Variants in GUCD1 observed in about 807,000 individuals in gnomAD.
The protein encoded by GUCD1 is protein GUCD1.
A neutral mutation model predicts 28.3 loss-of-function variants in GUCD1; 17 were observed. The ratio of observed to expected loss-of-function variants is 0.60; its 90% CI spans 0.41 to 0.90. The LOEUF (loss-of-function observed/expected upper bound fraction) is 0.90. Ranked by LOEUF, GUCD1 falls within the 40% of genes least tolerant of loss-of-function variation. The pLI is 0.00. For missense variants in GUCD1, 279 were observed against 305.5 expected (o/e 0.91, Z 0.65); for synonymous variants, 129 against 123.3 (o/e 1.05, Z -0.30).
upstream of GUCD1, chr22:24,555,511 C>T (rs771605981): frequency 2.6e-4 from 355 of 1,354,278 alleles, no homozygotes; most frequent in Non-Finnish European, 3.4e-4. Flanking sequence ...CCAAGCAACT[C>T]TCCTCCAACT....
upstream of GUCD1, chr22:24,555,168 C>G: frequency 3.9e-6 from 5 of 1,296,902 alleles, no homozygotes; most frequent in Non-Finnish European, 4.9e-6. Flanking sequence ...CCCAGCCCTT[C>G]CAGGTCTCGA....
chr22:24,542,736 C>T lies in GUCD1; in HGVS notation c.*270G>A, dbSNP rs916900680. 9 of 433,410 alleles carry T rather than the reference C, an allele frequency of 2.1e-5. No individual in the cohort carries two copies. The highest frequency in any genetic ancestry group is 4.0e-5 in the African/African-American group (2 of 49,726). The allele number at this position is 433,410 out of a possible 1,614,324, so 26.8% of individuals were successfully genotyped here. ...AAGGGCACTGTCGGGACTGGACTTC[C>T]TGTGGGCGCAGCTGGAGTCAAGGCT... On this transcript the variant is annotated 3_prime_UTR_variant, in exon 6 of 6. Transcript: ENST00000435822.
rs1472990746 is a variant in GUCD1 at position 24,541,381 on chromosome 22, A to G, written c.*1625T>C. The G allele has an allele frequency of 6.6e-6, 1 of 152,286 alleles. No homozygotes were observed. The highest frequency in any genetic ancestry group is 1.5e-5 in the Non-Finnish European group (1 of 68,136). 9.4% of individuals were successfully genotyped at this position (152,286 alleles called of 1,614,324 possible). A position where few individuals can be genotyped will look rare whatever the true frequency, so the allele number is the denominator to read the frequency against. Reference sequence around the variant, plus strand: ...CCCCTTTGAAAATGACCCATTTCCCACTTTGGGAGGCCGAGGCAGGTGGAT... The same window carrying G: ...CCCCTTTGAAAATGACCCATTTCCCGCTTTGGGAGGCCGAGGCAGGTGGAT... On this transcript the variant is annotated 3_prime_UTR_variant, in exon 6 of 6. Transcript: ENST00000435822.
At chr22:24,555,532 A>G (rs2045036594), upstream of GUCD1, 1 of 1,455,002 alleles carries the variant, frequency 6.9e-7, no homozygotes, top group Admixed American at 2.0e-5. Context: ...GTCTTTAGGG[A>G]TAACCCTGAG....
In GUCD1 at chr22:24,552,961, A is replaced by C. The variant is rs530904210; in HGVS notation, c.43+1988T>G. On this transcript the variant is annotated intron_variant, in intron 1 of 5. Coordinates refer to ENST00000435822, the MANE Select transcript of GUCD1 (RefSeq NM_001284254.2). The stretch of plus-strand genomic sequence containing the variant: ...ACTATGGGCACACGCTACCACACCC[A>C]GATAATTAAAAATAAAATAAGCCCT... Among the ~76,000 whole-genome samples the C allele has an allele frequency of 3.2e-4, 48 of 152,208 alleles. 3 individuals are homozygous for C. In the South Asian group the frequency reaches 9.5e-3, roughly 30 times the overall value.
In GUCD1 at chr22:24,547,918, T is replaced by C. The variant is rs758747345; in HGVS notation, c.284A>G (p.Tyr95Cys). 1 of 1,614,180 alleles carries C rather than the reference T, an allele frequency of 6.2e-7. No homozygotes were observed. Among genetic ancestry groups the C allele is most frequent in the Admixed American group, 1.7e-5 (1 of 60,034 alleles). The change falls in exon 3 of 6, where the codon TAC (tyrosine) becomes TGC (cysteine). Residue 95 changes from tyrosine to cysteine, a missense_variant. By Grantham distance (194) the Tyr-to-Cys change is radical. Coordinates refer to ENST00000435822, the MANE Select transcript of GUCD1 (RefSeq NM_001284254.2). The part of the protein sequence containing the change: ...CTQTLGVDKG[Y>C]KNQSFYRKHF... The stretch of plus-strand genomic sequence containing the variant: ...TGGCTGGTCGCTCACCTGGTTCTTG[T>C]AGCCCTTGTCGACACCCAGGGTCTG...
Position 24,542,558 on chromosome 22 carries a change from G to C in GUCD1, c.*448C>G, listed in dbSNP as rs1351138895. On this transcript the variant is annotated 3_prime_UTR_variant, in exon 6 of 6. Coordinates refer to ENST00000435822, the MANE Select transcript of GUCD1 (RefSeq NM_001284254.2). Reference sequence around the variant, plus strand: ...TTCCAGGAGAGAGGGGCCTGGAGGGGTCCTCAGCCCTGGGGGATTGGGGTC... The same window carrying C: ...TTCCAGGAGAGAGGGGCCTGGAGGGCTCCTCAGCCCTGGGGGATTGGGGTC... 6.1e-6 allele frequency: 1 copy of C among 163,820 alleles called. No homozygotes were observed. The highest frequency in any genetic ancestry group is 1.3e-5 in the Non-Finnish European group (1 of 75,096). The allele number at this position is 163,820 out of a possible 1,614,324, so 10.1% of individuals were successfully genotyped here. A position where few individuals can be genotyped will look rare whatever the true frequency, so the allele number is the denominator to read the frequency against.
intron 5 of GUCD1, among the ~76,000 whole-genome samples, chr22:24,543,610 G>C (rs905347699): frequency 1.3e-5 from 2 of 152,286 alleles, no homozygotes; most frequent in East Asian, 3.9e-4. Context: ...TGGTGTGAGA[G>C]GGAGGGGTGG....
At chr22:24,555,401 T>C (rs1248669881), upstream of GUCD1, 1 of 1,199,322 alleles carries the variant, frequency 8.3e-7, no homozygotes, top group East Asian at 2.7e-5. Context: ...ATTTCCTGAA[T>C]AGAGGCTCGT....
intron 1 of GUCD1, among the ~76,000 whole-genome samples, chr22:24,551,696 G>GA (rs61538139): frequency 0.23 from 35,105 of 152,114 alleles, 4,911 homozygotes; most frequent in African/African-American, 0.39. Context: ...TTTGAGAAAC[G>GA]AGGGAACTCT....
At chr22:24,543,241 G>A in intron 5 of GUCD1, 144 bp from the exon 6 acceptor site, 1 of 647,074 alleles carries the variant, frequency 1.5e-6, no homozygotes, top group Non-Finnish European at 2.8e-6. Flanking sequence ...CCACCCCCAG[G>A]AAGCCCTCCT....
At position 24,549,001 on chromosome 22, in the gene GUCD1, C is replaced by A; in HGVS notation, c.44G>T (p.Gly15Val). ...GGGCACAGGCAGTTGCACAAAGTCCCCTGTGCAGAAACAGAGGGAGGTCAC... is the reference window on the plus strand; with the variant it reads ...GGGCACAGGCAGTTGCACAAAGTCCACTGTGCAGAAACAGAGGGAGGTCAC... ...AEAAGPPLEP[G>V]DFVQLPVPVI... The change falls in exon 2 of 6, where the codon GGG becomes GTG. Residue 15 changes from glycine (G) to valine (V), a missense_variant and splice_region_variant. Physicochemically the swap from Gly to Val is moderately radical, Grantham distance 109 (BLOSUM62 -3). Coordinates refer to ENST00000435822, the MANE Select transcript of GUCD1 (RefSeq NM_001284254.2). 3 of 1,569,400 alleles carry A rather than the reference C, an allele frequency of 1.9e-6. No individual in the cohort carries two copies. The highest frequency in any genetic ancestry group is 2.3e-5 in the East Asian group (1 of 43,220).
intron 4 of GUCD1, among the ~76,000 whole-genome samples, chr22:24,544,331 C>T (rs184258280): frequency 1.2e-4 from 19 of 152,068 alleles, no homozygotes; most frequent in East Asian, 1.9e-4. Context: ...AGGCCCTTCA[C>T]GGGGAGAGCA....
chr22:24,547,019 AG>A lies in GUCD1; in HGVS notation c.295-15del, dbSNP rs1337370448. The A allele has an allele frequency of 6.2e-7, 1 of 1,604,488 alleles. No homozygotes were observed. Among genetic ancestry groups the A allele is most frequent in the African/African-American group, 1.3e-5 (1 of 74,710 alleles). ...CCTGTAGAAGGACTGAACAGAGAAG[AG>A]GGGGATGGAGTGGCCACCACCCAGG... On this transcript the variant is annotated splice_polypyrimidine_tract_variant and intron_variant, in intron 3 of 5. Coordinates refer to ENST00000435822, the MANE Select transcript of GUCD1 (RefSeq NM_001284254.2).
At chr22:24,546,176 T>C (rs1235445388) in intron 4 of GUCD1, among the ~76,000 whole-genome samples, 2 of 151,602 alleles carry the variant, frequency 1.3e-5, no homozygotes, top group Non-Finnish European at 2.9e-5. Context: ...TTAGCCAGGA[T>C]GGTCTCGATC....
At position 24,542,948 on chromosome 22, in the gene GUCD1, C is replaced by T. The variant is rs1005646676; in HGVS notation, c.*58G>A. On this transcript the variant is annotated 3_prime_UTR_variant, in exon 6 of 6. Coordinates refer to ENST00000435822, the MANE Select transcript of GUCD1 (RefSeq NM_001284254.2). ...CAAGCCTGGGCCAGGGCATCCTGAG[C>T]GGGCCCGGCTGGGGTGGGGATGGGG... The T allele has an allele frequency of 1.2e-5, 15 of 1,270,500 alleles. No individual in the cohort carries two copies. The highest frequency in any genetic ancestry group is 2.9e-5 in the African/African-American group (2 of 68,016). 78.7% of individuals were successfully genotyped at this position (1,270,500 alleles called of 1,614,324 possible).
chr22:24,547,899 G>T lies in GUCD1; in HGVS notation c.294+9C>A, dbSNP rs1399543892. On this transcript the variant is annotated intron_variant, in intron 3 of 5. Transcript: ENST00000435822. The stretch of plus-strand genomic sequence containing the variant: ...CCCACATGGGAAGGCCTGGTGGCTG[G>T]TCGCTCACCTGGTTCTTGTAGCCCT... 6.2e-7 allele frequency: 1 copy of T among 1,613,722 alleles called. No individual in the cohort carries two copies. Among genetic ancestry groups the T allele is most frequent in the East Asian group, 2.2e-5 (1 of 44,876 alleles).
upstream of GUCD1, chr22:24,555,385 T>C (rs1266344732): frequency 3.2e-6 from 4 of 1,238,132 alleles, no homozygotes; most frequent in South Asian, 3.6e-5. Flanking sequence ...GCCCCAAAGC[T>C]CGTGCATTTC....
upstream of GUCD1, chr22:24,555,301 C>T (rs901218638): frequency 7.2e-7 from 1 of 1,396,674 alleles, no homozygotes; most frequent in Non-Finnish European, 9.3e-7. Context: ...CCCACCCTCT[C>T]GCCCAATCCT....
Sources: gnomAD v4.1 joint callset for allele counts (sites outside exome capture counted in the v4.1 genomes callset) on GRCh38, gnomAD v4.1.1 for gene constraint, MANE v1.5 for transcripts, NCBI Gene and HGNC (gene_info 2026-07-23, HGNC 2026-07-21) for gene names.